Variants in RALGPS1 observed in about 807,000 individuals in gnomAD.
RALGPS1 encodes ras-specific guanine nucleotide-releasing factor RalGPS1.
RALGPS1 carries 19 observed loss-of-function variants against 78.8 expected under a neutral mutation model. That is an observed-to-expected ratio of 0.24 (90% confidence interval 0.17 to 0.35). The LOEUF is 0.35. Among genes scored for constraint, RALGPS1 ranks in the 10% least tolerant of loss-of-function variants. RALGPS1 has a pLI of 1.00. For missense variants in RALGPS1, 454 were observed against 688.3 expected, an observed-to-expected ratio of 0.66 and a Z score of 3.81; for synonymous variants, 228 against 256.3, an observed-to-expected ratio of 0.89 and a Z score of 1.06.
chr9:127,040,298 G>A (rs1340946203), intron 5 of RALGPS1, among the ~76,000 whole-genome samples: 1 of 152,142 alleles, frequency 6.6e-6, no homozygotes, highest in Non-Finnish European at 1.5e-5. Context: ...CTACTTGGGA[G>A]GCTGAGGCAG....
intron 11 of RALGPS1, 42 bp from the exon 12 acceptor site, chr9:127,195,049 C>T (rs7049179): frequency 6.2e-7 from 1 of 1,605,878 alleles, no homozygotes; most frequent in East Asian, 2.2e-5. Context: ...CCTCACCCTC[C>T]CATCATAACC....
chr9:127,088,838 C>T, intron 8 of RALGPS1: 1 of 1,370,106 alleles, frequency 7.3e-7, no homozygotes, highest in Non-Finnish European at 1.0e-6. Flanking sequence ...GTCCTCCCAG[C>T]CTCAGGATGA....
At chr9:127,087,587 T>C (rs2136286515) in intron 8 of RALGPS1, 1 of 152,492 alleles carries the variant, frequency 6.6e-6, no homozygotes, top group South Asian at 2.1e-4. Context: ...CCCTTGCCCC[T>C]TCTTGGCAAT....
intron 10 of RALGPS1, among the ~76,000 whole-genome samples, chr9:127,171,864 G>C (rs762502381): frequency 6.6e-6 from 1 of 152,166 alleles, no homozygotes; most frequent in Non-Finnish European, 1.5e-5. Flanking sequence ...GCCAACTCTG[G>C]TTATGAAAGA....
chr9:127,187,638 A>G (rs985053304), intron 11 of RALGPS1, among the ~76,000 whole-genome samples: 10 of 152,180 alleles, frequency 6.6e-5, no homozygotes, highest in African/African-American at 2.2e-4. Flanking sequence ...TGACCTTTAG[A>G]AAACACTTTT....
intron 7 of RALGPS1, among the ~76,000 whole-genome samples, chr9:127,054,650 T>C (rs2135449318): frequency 6.6e-6 from 1 of 152,250 alleles, no homozygotes; most frequent in East Asian, 1.9e-4. Flanking sequence ...TGGCTGGGTC[T>C]TCACTCCTGT....
intron 1 of RALGPS1, among the ~76,000 whole-genome samples, chr9:126,923,206 G>T (rs11794352): frequency 0.38 from 58,252 of 152,096 alleles, 12,944 homozygotes; most frequent in Non-Finnish European, 0.48. Flanking sequence ...ACTTAAAAAG[G>T]TCTCTTCACA....
chr9:127,143,991 G>A (rs55872031), intron 8 of RALGPS1, among the ~76,000 whole-genome samples: 56,694 of 152,112 alleles, frequency 0.37, 12,510 homozygotes, highest in Non-Finnish European at 0.48. Flanking sequence ...GGCTGTGGGA[G>A]GGGGGCAGCC....
chr9:126,951,572 T>G (rs1315713117), intron 1 of RALGPS1, among the ~76,000 whole-genome samples: 1 of 150,692 alleles, frequency 6.6e-6, no homozygotes, highest in East Asian at 1.9e-4. Context: ...AAAAACCACA[T>G]GATTATCTCA....
At chr9:127,213,705 T>C (rs1443356709) in intron 17 of RALGPS1, 7 of 152,560 alleles carry the variant, frequency 4.6e-5, no homozygotes, top group African/African-American at 1.7e-4. Context: ...CAAACTGATT[T>C]GGGCTGGAAA....
intron 5 of RALGPS1, among the ~76,000 whole-genome samples, chr9:127,047,852 C>T (rs2047951506): frequency 6.6e-6 from 1 of 152,100 alleles, no homozygotes; most frequent in East Asian, 1.9e-4. Flanking sequence ...CTTCATCAAA[C>T]TTCTGAAGTT....
rs539160109 is a variant in RALGPS1 at position 127,121,811 on chromosome 9, C to T, written c.611-44258C>T. On this transcript the variant is annotated intron_variant, in intron 8 of 18. Coordinates refer to ENST00000259351, the MANE Select transcript of RALGPS1 (RefSeq NM_014636.3). ...GAGGGTGTGAGCAGAGGCAGCCCAGCTCCTGTAACTCTCCGAGCAGGGGCT... is the reference window on the plus strand; with the variant it reads ...GAGGGTGTGAGCAGAGGCAGCCCAGTTCCTGTAACTCTCCGAGCAGGGGCT... Among the ~76,000 whole-genome samples, 7 of 152,282 alleles carry T rather than the reference C, an allele frequency of 4.6e-5. No individual in the cohort carries two copies. In the East Asian group the frequency reaches 1.4e-3, roughly 29 times the overall value.
chr9:127,150,819 T>A (rs1349125170), intron 8 of RALGPS1, among the ~76,000 whole-genome samples: 1 of 152,194 alleles, frequency 6.6e-6, no homozygotes, highest in Non-Finnish European at 1.5e-5. Context: ...GGGTGGCATC[T>A]GCAGAAGGAG....
At chr9:127,193,731 G>A (rs1286212070) in intron 11 of RALGPS1, among the ~76,000 whole-genome samples, 1 of 152,126 alleles carries the variant, frequency 6.6e-6, no homozygotes, top group Non-Finnish European at 1.5e-5. Context: ...GTGGGCTTGG[G>A]CCTTATGGGT....
chr9:127,222,662 A>C lies in RALGPS1; in HGVS notation c.*3893A>C, dbSNP rs2062804021. On this transcript the variant is annotated 3_prime_UTR_variant, in exon 19 of 19. Coordinates refer to ENST00000259351, the MANE Select transcript of RALGPS1 (RefSeq NM_014636.3). Reference sequence around the variant, plus strand: ...ATCATCTGTCCATTTTAGAACCATTAATCTCTTTATCCATTGCTGAACGAC... The same window carrying C: ...ATCATCTGTCCATTTTAGAACCATTCATCTCTTTATCCATTGCTGAACGAC... 1 of 152,532 alleles carries C rather than the reference A, an allele frequency of 6.6e-6. No individual in the cohort carries two copies. The highest frequency in any genetic ancestry group is 2.1e-4 in the South Asian group (1 of 4,824). The allele number at this position is 152,532 out of a possible 1,614,324, so 9.4% of individuals were successfully genotyped here.
At chr9:127,164,596 A>C (rs554908356) in intron 8 of RALGPS1, among the ~76,000 whole-genome samples, 1 of 127,890 alleles carries the variant, frequency 7.8e-6, no homozygotes, top group South Asian at 2.5e-4. Context: ...CTGGAGTGCA[A>C]TGGCATGATC....
rs142565868 is a variant in RALGPS1 at position 127,174,813 on chromosome 9, C to G, written c.910+31C>G. The G allele has an allele frequency of 3.8e-4, 601 of 1,599,112 alleles. 6 individuals carry two copies. The East Asian group carries it at 0.013, about 36-fold the overall frequency. On this transcript the variant is annotated intron_variant, in intron 11 of 18. Transcript: ENST00000259351. The stretch of plus-strand genomic sequence containing the variant: ...GTAGCTACCTCGAGTGGGAGCAAAC[C>G]CACTTAATAGCCTAATTGTGGCTGC...
rs564849959 is a variant in RALGPS1 at position 126,963,780 on chromosome 9, A to G, written c.57+1434A>G. Among the ~76,000 whole-genome samples, 38 of 152,352 alleles carry G rather than the reference A, an allele frequency of 2.5e-4. No individual in the cohort carries two copies. The East Asian group carries it at 7.3e-3, about 29-fold the overall frequency. ...GCCATGTGGGTGGGGATTCAAAGCC[A>G]GGCCTCCCTGACTCTCGAGCCGGTG... On this transcript the variant is annotated intron_variant, in intron 2 of 18. Coordinates refer to ENST00000259351, the MANE Select transcript of RALGPS1 (RefSeq NM_014636.3).
intron 8 of RALGPS1, among the ~76,000 whole-genome samples, chr9:127,125,707 G>A (rs1021501238): frequency 2.0e-5 from 3 of 152,128 alleles, no homozygotes; most frequent in African/African-American, 4.8e-5. Flanking sequence ...CTTGAGCACC[G>A]TTCCCACATT....
Sources: allele counts gnomAD v4.1 joint callset (sites outside exome capture counted in the v4.1 genomes callset), GRCh38; gene constraint gnomAD v4.1.1; transcripts MANE v1.5; gene names NCBI Gene and HGNC (gene_info 2026-07-23, HGNC 2026-07-21).